The following C2orf76 variants were observed in gnomAD, a reference collection of about 807,000 sequenced individuals.
C2orf76 encodes UPF0538 protein C2orf76.
A neutral mutation model predicts 16.9 loss-of-function variants in C2orf76; 23 were observed. That is an observed-to-expected ratio of 1.36 (90% CI 0.98 to 1.93). The LOEUF is 1.93. C2orf76 is among the 30% of genes most tolerant of loss of function. C2orf76 has a pLI of 0.00. For synonymous variants in C2orf76, 48 were observed against 52.3 expected (o/e 0.92, Z 0.35); for missense variants, 152 against 152.6 (o/e 1.00, Z 0.02).
chr2:119,321,075 G>A (rs1381809350), intron 3 of C2orf76, 79 bp downstream of exon 3: 2 of 768,180 alleles, frequency 2.6e-6, no homozygotes, highest in Non-Finnish European at 3.9e-6. Flanking sequence ...AGTCATTTTT[G>A]AAAACAAAAT....
the C2orf76 span, among the ~76,000 whole-genome samples, chr2:119,283,239 G>C: frequency 6.6e-6 from 1 of 152,168 alleles, no homozygotes; most frequent in Admixed American, 6.5e-5. Context: ...CACTCAGCAA[G>C]ATCTGTGGGC....
At chr2:119,289,189 C>G in the C2orf76 span, among the ~76,000 whole-genome samples, 1 of 152,066 alleles carries the variant, frequency 6.6e-6, no homozygotes, top group Non-Finnish European at 1.5e-5. Context: ...TTCTAGCAAA[C>G]ACGGGGGCCT....
intron 2 of C2orf76, among the ~76,000 whole-genome samples, chr2:119,339,374 T>C (rs1363054486): frequency 1.3e-5 from 2 of 152,168 alleles, no homozygotes; most frequent in East Asian, 1.9e-4. Flanking sequence ...GCCGTTTCTG[T>C]GTCTGTGACC....
chr2:119,312,571 A>G (rs1238654939), intron 4 of C2orf76, among the ~76,000 whole-genome samples: 1 of 152,180 alleles, frequency 6.6e-6, no homozygotes, highest in Non-Finnish European at 1.5e-5. Context: ...TCAAACGGCC[A>G]GAAGTCCACA....
intron 1 of C2orf76, among the ~76,000 whole-genome samples, chr2:119,352,475 C>CT (rs2104634047): frequency 6.6e-6 from 1 of 152,324 alleles, no homozygotes; most frequent in African/African-American, 2.4e-5. Context: ...GAATAAGTAA[C>CT]TGAGTCTCAG....
At chr2:119,350,064 A>ACC (rs1680337722) in intron 1 of C2orf76, among the ~76,000 whole-genome samples, 3 of 40,330 alleles carry the variant, frequency 7.4e-5, no homozygotes, top group African/African-American at 1.1e-4. Context: ...CGCCCCGCCC[A>ACC]CACCGCCCCC....
At chr2:119,315,244 C>T (rs1480417761) in intron 4 of C2orf76, among the ~76,000 whole-genome samples, 2 of 151,964 alleles carry the variant, frequency 1.3e-5, no homozygotes, top group East Asian at 3.9e-4. Context: ...TCCAGTCAGT[C>T]TTTTTATTGT....
chr2:119,281,433 G>A, the C2orf76 span, among the ~76,000 whole-genome samples: 1 of 151,922 alleles, frequency 6.6e-6, no homozygotes. Context: ...GCTTGAGCCA[G>A]GGTGGTCGAG....
intron 5 of C2orf76, among the ~76,000 whole-genome samples, chr2:119,310,591 G>A (rs894952779): frequency 2.6e-5 from 4 of 152,068 alleles, no homozygotes; most frequent in South Asian, 2.1e-4. Context: ...CTCACTAACC[G>A]TGTTCCTTAA....
At chr2:119,341,388 C>A (rs1053458668) in intron 1 of C2orf76, among the ~76,000 whole-genome samples, 1 of 152,150 alleles carries the variant, frequency 6.6e-6, no homozygotes. Context: ...TCATCGACTG[C>A]CCACTCACCT....
intron 1 of C2orf76, among the ~76,000 whole-genome samples, chr2:119,362,602 G>C (rs1023960090): frequency 1.5e-4 from 23 of 152,160 alleles, no homozygotes; most frequent in African/African-American, 5.6e-4. Context: ...CTGAACTCAA[G>C]ATATTTTCAT....
intron 2 of C2orf76, among the ~76,000 whole-genome samples, chr2:119,330,116 G>A (rs1051781773): frequency 1.7e-4 from 26 of 152,246 alleles, no homozygotes; most frequent in African/African-American, 5.5e-4. Context: ...GCTCACATCT[G>A]TAATCTCAGC....
At chr2:119,347,588 A>C (rs1680245765) in intron 1 of C2orf76, among the ~76,000 whole-genome samples, 1 of 152,130 alleles carries the variant, frequency 6.6e-6, no homozygotes, top group African/African-American at 2.4e-5. Context: ...AAAGAATAGT[A>C]GAGACCAAGC....
At chr2:119,303,536 T>C (rs1678682796) in intron 5 of C2orf76, among the ~76,000 whole-genome samples, 1 of 152,046 alleles carries the variant, frequency 6.6e-6, no homozygotes, top group African/African-American at 2.4e-5. Flanking sequence ...CAAGTAAAAC[T>C]CTCCAAGTCA....
At chr2:119,351,509 T>C (rs4581910) in intron 1 of C2orf76, among the ~76,000 whole-genome samples, 6,971 of 152,144 alleles carry the variant, frequency 0.046, 246 homozygotes, top group South Asian at 0.1. Flanking sequence ...CCAGCACTTT[T>C]GGAGGCCCAG....
At chr2:119,366,755 A>G in intron 1 of C2orf76, 35 bp downstream of exon 1, 1 of 546,272 alleles carries the variant, frequency 1.8e-6, no homozygotes, top group Non-Finnish European at 3.3e-6. Context: ...AACTCCCGGC[A>G]GCAAAACTAA....
chr2:119,328,839 C>G (rs1374869257), intron 2 of C2orf76, among the ~76,000 whole-genome samples: 7 of 152,126 alleles, frequency 4.6e-5, no homozygotes, highest in African/African-American at 1.4e-4. Context: ...TCTGCTTTGA[C>G]CCTTAGGCTA....
intron 2 of C2orf76, among the ~76,000 whole-genome samples, chr2:119,325,806 T>G (rs1679492112): frequency 6.6e-6 from 1 of 152,106 alleles, no homozygotes; most frequent in African/African-American, 2.4e-5. Flanking sequence ...TCCATTTCAC[T>G]AAAGACTAAT....
At chr2:119,363,017 A>G (rs770548475) in intron 1 of C2orf76, among the ~76,000 whole-genome samples, 17 of 152,078 alleles carry the variant, frequency 1.1e-4, no homozygotes, top group Non-Finnish European at 2.4e-4. Context: ...GCCAGGCTTC[A>G]TTCTTACCCC....
Sources: allele counts gnomAD v4.1 joint callset (sites outside exome capture counted in the v4.1 genomes callset), GRCh38; gene constraint gnomAD v4.1.1; transcripts MANE v1.5; gene names NCBI Gene and HGNC (gene_info 2026-07-23, HGNC 2026-07-21).